Variants in ATP2B3 observed in about 807,000 individuals in gnomAD.
ATP2B3 encodes ATPase plasma membrane Ca2+ transporting 3.
Under a neutral mutation model 70.8 loss-of-function variants are expected in ATP2B3, and 12 were observed. The ratio of observed to expected loss-of-function variants is 0.17; its 90% CI spans 0.11 to 0.27. The LOEUF (loss-of-function observed/expected upper bound fraction) is 0.27, where lower values mean the gene tolerates loss of function less well. ATP2B3 is among the 10% of genes least tolerant of loss of function. The pLI, the probability that ATP2B3 is intolerant of heterozygous loss-of-function variation, is 1.00. For missense variants in ATP2B3, 858 were observed against 1,118.5 expected (o/e 0.77, Z 3.32); for synonymous variants, 460 against 497.8 (o/e 0.92, Z 1.01).
At chrX:153,545,990 C>T in intron 7 of ATP2B3, 98 bp from the exon 8 acceptor site, 1 of 967,085 alleles carries the variant, frequency 1.0e-6, no homozygotes, top group Non-Finnish European at 1.5e-6. Flanking sequence ...TGAAGAAGGC[C>T]ACCAGCAATC....
rs1000490303 is a variant in ATP2B3 at position 153,518,536 on chromosome X, G to A, written c.-142G>A. ...TGAAAGCTCTGGCTTTAAGATTCTG[G>A]AATTTGGAATGGCAGGTGCGGCATC... On this transcript the variant is annotated 5_prime_UTR_variant, in exon 2 of 22. Coordinates refer to ENST00000263519, the MANE Select transcript of ATP2B3 (RefSeq NM_001001344.3). Among the ~76,000 whole-genome samples the A allele has an allele frequency of 1.8e-5, 2 of 112,634 alleles. No homozygotes were observed. Among genetic ancestry groups the A allele is most frequent in the Non-Finnish European group, 3.8e-5 (2 of 53,249 alleles).
At chrX:153,554,847 C>T (rs4898415) in intron 13 of ATP2B3, among the ~76,000 whole-genome samples, 47,328 of 110,903 alleles carry the variant, frequency 0.43, 8,278 homozygotes, top group East Asian at 0.63. Flanking sequence ...GCTGAGCAGG[C>T]GAGGAAGGAC....
chrX:153,551,486 ATT>A (rs1483441912), intron 12 of ATP2B3, among the ~76,000 whole-genome samples: 1 of 111,485 alleles, frequency 9.0e-6, no homozygotes, highest in African/African-American at 3.3e-5. Flanking sequence ...CAGCTATGCG[ATT>A]TCTACACATT....
chrX:153,537,617 G>A (rs1278671858), intron 3 of ATP2B3, among the ~76,000 whole-genome samples: 3 of 112,826 alleles, frequency 2.7e-5, no homozygotes, highest in South Asian at 7.2e-4. Context: ...GAGCTGATGC[G>A]CCCGTGACAC....
Position 153,575,383 on chromosome X carries a change from G to A in ATP2B3, c.3343-4595G>A, listed in dbSNP as rs1490859867. 2.7e-5 allele frequency among the ~76,000 whole-genome samples: 3 copies of A among 112,740 alleles called. No individual in the cohort carries two copies. In the East Asian group the frequency reaches 8.4e-4, roughly 31 times the overall value. ...GCAGAAGTGGGCACCATGCTGCTGG[G>A]GAAGACAAGAGTGAGGGGAGCCTTC... On this transcript the variant is annotated intron_variant, in intron 21 of 21. Coordinates refer to ENST00000263519, the MANE Select transcript of ATP2B3 (RefSeq NM_001001344.3).
At chrX:153,553,487 G>A (rs1460767347) in intron 13 of ATP2B3, among the ~76,000 whole-genome samples, 3 of 112,119 alleles carry the variant, frequency 2.7e-5, no homozygotes, top group Admixed American at 9.4e-5. Flanking sequence ...CCCAGCTCAG[G>A]CTCCACCTTC....
At chrX:153,545,717 T>C (rs1347337185) in intron 7 of ATP2B3, among the ~76,000 whole-genome samples, 1 of 112,043 alleles carries the variant, frequency 8.9e-6, no homozygotes, top group Non-Finnish European at 1.9e-5. Flanking sequence ...TTCCAGGGGT[T>C]AGGAGCCATC....
chrX:153,532,320 G>A (rs1197870742), intron 2 of ATP2B3, among the ~76,000 whole-genome samples: 1 of 112,840 alleles, frequency 8.9e-6, no homozygotes, highest in Non-Finnish European at 1.9e-5. Flanking sequence ...CCCAGGGCCT[G>A]GAGGAAGTCC....
In ATP2B3 at chrX:153,533,938, C is replaced by A. The variant is rs1603034171; in HGVS notation, c.-126-2184C>A. 2.7e-5 allele frequency among the ~76,000 whole-genome samples: 3 copies of A among 111,951 alleles called. No homozygotes were observed. In the Admixed American group the frequency reaches 2.8e-4, roughly 11 times the overall value. On this transcript the variant is annotated intron_variant, in intron 2 of 21. Coordinates refer to ENST00000263519, the MANE Select transcript of ATP2B3 (RefSeq NM_001001344.3). ...AGGATGAGCACATGCCAGGGGAGGG[C>A]CACCAGGCCTCGGTGACCGTGCCAC...
intron 21 of ATP2B3, among the ~76,000 whole-genome samples, chrX:153,567,402 C>T (rs782197113): frequency 9.7e-5 from 11 of 113,406 alleles, no homozygotes; most frequent in Non-Finnish European, 1.5e-4. Flanking sequence ...TCTTATCTAT[C>T]GTACCCCTGT....
In ATP2B3 at chrX:153,525,558, G is replaced by C. The variant is rs782028484; in HGVS notation, c.-127+7007G>C. ...GCTCCATTTCTCCTGGAAGCATCCA[G>C]GACCAGACACTGCCACATCTTGGCT... On this transcript the variant is annotated intron_variant, in intron 2 of 21. Coordinates refer to ENST00000263519, the MANE Select transcript of ATP2B3 (RefSeq NM_001001344.3). Among the ~76,000 whole-genome samples, 3 of 112,464 alleles carry C rather than the reference G, an allele frequency of 2.7e-5. No individual in the cohort carries two copies. In the South Asian group the frequency reaches 1.1e-3, roughly 41 times the overall value.
chrX:153,523,994 G>C (rs1437915044), intron 2 of ATP2B3, among the ~76,000 whole-genome samples: 1 of 111,684 alleles, frequency 9.0e-6, no homozygotes. Flanking sequence ...AAGTCTTAGT[G>C]TTTCTTCTGT....
intron 21 of ATP2B3, among the ~76,000 whole-genome samples, chrX:153,575,949 A>T (rs782093975): frequency 9.0e-6 from 1 of 111,538 alleles, no homozygotes; most frequent in Admixed American, 9.4e-5. Context: ...GGAGGTGGGG[A>T]CACACAGTGG....
intron 21 of ATP2B3, among the ~76,000 whole-genome samples, chrX:153,575,110 C>T (rs990497388): frequency 3.7e-4 from 42 of 112,443 alleles, no homozygotes; most frequent in African/African-American, 1.3e-3. Context: ...GTCATGGCTC[C>T]GGGGAGCCCC....
intron 7 of ATP2B3, among the ~76,000 whole-genome samples, chrX:153,545,792 C>T (rs781962512): frequency 1.4e-4 from 16 of 111,954 alleles, no homozygotes; most frequent in Non-Finnish European, 2.6e-4. Flanking sequence ...TTCCAGCTTC[C>T]GGGAACCTCC....
chrX:153,529,073 T>C (rs1199724726), intron 2 of ATP2B3, among the ~76,000 whole-genome samples: 1 of 112,433 alleles, frequency 8.9e-6, no homozygotes, highest in African/African-American at 3.2e-5. Context: ...TCAAGACACA[T>C]TTGAGAAGTG....
At chrX:153,570,969 C>T (rs1231099513) in intron 21 of ATP2B3, among the ~76,000 whole-genome samples, 5 of 105,764 alleles carry the variant, frequency 4.7e-5, no homozygotes, top group African/African-American at 1.7e-4. Context: ...GGAGGCCCAT[C>T]CTGTCCCCCT....
intron 21 of ATP2B3, chrX:153,569,177 TGGG>T (rs2090752817): frequency 7.8e-6 from 3 of 386,646 alleles, no homozygotes; most frequent in Non-Finnish European, 1.5e-5. Context: ...GGATGGAGCA[TGGG>T]GCATAAGTCC....
rs1279989570 is a variant in ATP2B3, at chrX:153,571,010, A to G, written c.3342+5907A>G. ...ACAGAGCACGTGCGCGCGTACACAC[A>G]CACACACACACACACACACACACAC... On this transcript the variant is annotated intron_variant, in intron 21 of 21. Coordinates refer to ENST00000263519, the MANE Select transcript of ATP2B3 (RefSeq NM_001001344.3). 8.2e-3 allele frequency among the ~76,000 whole-genome samples: 858 copies of G among 105,050 alleles called. 4 individuals carry two copies. Among genetic ancestry groups the G allele is most frequent in the African/African-American group, 0.026 (727 of 28,497 alleles). 91.2% of individuals were successfully genotyped at this position (105,050 alleles called of 115,157 possible).
Sources: gnomAD v4.1 joint callset for allele counts (sites outside exome capture counted in the v4.1 genomes callset) on GRCh38, gnomAD v4.1.1 for gene constraint, MANE v1.5 for transcripts, NCBI Gene and HGNC (gene_info 2026-07-23, HGNC 2026-07-21) for gene names.